Variants in KIFC3 observed in about 807,000 individuals in gnomAD.
The protein encoded by KIFC3 is kinesin family member C3.
Under a neutral mutation model 101.8 loss-of-function variants are expected in KIFC3, and 60 were observed. The observed-to-expected ratio is 0.59, with a 90% confidence interval of 0.48 to 0.73. The LOEUF is 0.73. Among genes scored for constraint, KIFC3 ranks in the 30% least tolerant of loss-of-function variants. The pLI, the probability that KIFC3 is intolerant of heterozygous loss-of-function variation, is 0.00. For synonymous variants in KIFC3, 476 were observed against 482.7 expected (o/e 0.99, Z 0.18); for missense variants, 966 against 1,137.1 (o/e 0.85, Z 2.16).
At chr16:57,813,295 T>G (rs899513910) in intron 1 of KIFC3, among the ~76,000 whole-genome samples, 3 of 151,930 alleles carry the variant, frequency 2.0e-5, no homozygotes, top group Non-Finnish European at 2.9e-5. Flanking sequence ...GCCACTGCAC[T>G]CCAGCCTGGG....
chr16:57,810,046 C>A (rs1303915606), intron 1 of KIFC3, among the ~76,000 whole-genome samples: 1 of 152,130 alleles, frequency 6.6e-6, no homozygotes, highest in Non-Finnish European at 1.5e-5. Context: ...GAGGTCAGTC[C>A]TGGAACGCCT....
chr16:57,790,078 C>CTTTCTTTTT (rs59016221), intron 3 of KIFC3, among the ~76,000 whole-genome samples: 3 of 94,088 alleles, frequency 3.2e-5, no homozygotes, highest in African/African-American at 4.2e-5. Flanking sequence ...TTCTTTCTTT[C>CTTTCTTTTT]TTTTTTTTTT....
intron 1 of KIFC3, among the ~76,000 whole-genome samples, chr16:57,798,919 G>T (rs1350231701): frequency 6.6e-6 from 1 of 152,232 alleles, no homozygotes; most frequent in Non-Finnish European, 1.5e-5. Context: ...GATTCATTCA[G>T]TCTTCATTTA....
chr16:57,760,336 C>T lies in KIFC3; in HGVS notation c.2313G>A (p.Gly771=). The change falls in exon 17 of 20, where the codon GGG becomes GGA. Residue 771 remains glycine (G), a synonymous_variant. Coordinates refer to ENST00000445690, the MANE Select transcript of KIFC3 (RefSeq NM_001130100.2). ...CAAGCTCTGCCCTGCGTAGCCCAGGCCCCAGCTCCACAGAGCGCACCCTCT... is the reference window on the plus strand; with the variant it reads ...CAAGCTCTGCCCTGCGTAGCCCAGGTCCCAGCTCCACAGAGCGCACCCTCT... ...FAERVRSVEL[G]PGLRRAELGS... is the part of the protein sequence containing the mutation. The T allele has an allele frequency of 6.2e-7, 1 of 1,613,960 alleles. No homozygotes were observed.
At chr16:57,858,656 C>T (rs1356303730) in intron 1 of KIFC3, among the ~76,000 whole-genome samples, 3 of 151,928 alleles carry the variant, frequency 2.0e-5, no homozygotes, top group African/African-American at 7.3e-5. Flanking sequence ...TTTAAATTTA[C>T]ATAATTGAGG....
chr16:57,809,186 AT>A (rs1322415552), intron 1 of KIFC3, among the ~76,000 whole-genome samples: 1 of 152,068 alleles, frequency 6.6e-6, no homozygotes, highest in Non-Finnish European at 1.5e-5. Flanking sequence ...TAATGCCTAC[AT>A]TTTTCTGAAG....
rs28651239 is a variant in KIFC3 at position 57,788,487 on chromosome 16, G to A, written c.315+6512C>T. Reference sequence around the variant, plus strand: ...GCCACCTCCAGCCGGGGAGGACAGGGCATGGGGATATCACCAACTGCACAA... The same window carrying A: ...GCCACCTCCAGCCGGGGAGGACAGGACATGGGGATATCACCAACTGCACAA... On this transcript the variant is annotated intron_variant, in intron 3 of 19. Transcript: ENST00000445690. 2.5e-3 allele frequency: 2,931 copies of A among 1,160,754 alleles called. 54 individuals carry two copies. The African/African-American group carries it at 0.041, about 16-fold the overall frequency. The allele number at this position is 1,160,754 out of a possible 1,614,324, so 71.9% of individuals were successfully genotyped here.
At chr16:57,799,738 C>T (rs2965786) in intron 1 of KIFC3, among the ~76,000 whole-genome samples, 2 of 152,160 alleles carry the variant, frequency 1.3e-5, no homozygotes, top group African/African-American at 4.8e-5. Flanking sequence ...GGGCTCACTG[C>T]GGGGTGGAAA....
intron 3 of KIFC3, among the ~76,000 whole-genome samples, chr16:57,783,106 T>C (rs2052916766): frequency 6.6e-6 from 1 of 152,230 alleles, no homozygotes; most frequent in African/African-American, 2.4e-5. Context: ...GCTGGGATGT[T>C]TCCTCCTCAC....
chr16:57,760,977 G>C, intron 15 of KIFC3, 22 bp from the exon 16 acceptor site: 1 of 1,604,786 alleles, frequency 6.2e-7, no homozygotes, highest in Non-Finnish European at 8.5e-7. Flanking sequence ...GCACCCACCA[G>C]ATCAGGCCTG....
At position 57,793,754 on chromosome 16, in the gene KIFC3, G is replaced by A. The variant is rs772151856; in HGVS notation, c.315+1245C>T. 4.7e-4 allele frequency among the ~76,000 whole-genome samples: 71 copies of A among 151,944 alleles called. 1 individual carries two copies. The highest frequency in any genetic ancestry group is 4.1e-4 in the Non-Finnish European group (28 of 67,966). On this transcript the variant is annotated intron_variant, in intron 3 of 19. Coordinates refer to ENST00000445690, the MANE Select transcript of KIFC3 (RefSeq NM_001130100.2). ...TGAGGTAGGAGAATCACTTGAACCC[G>A]GGAGGCGGATATTACAGCCAAGATC...
chr16:57,795,663 CG>C (rs1466252963), intron 2 of KIFC3, among the ~76,000 whole-genome samples: 1 of 152,160 alleles, frequency 6.6e-6, no homozygotes, highest in African/African-American at 2.4e-5. Context: ...TCTGACACAC[CG>C]CCTCCCTCAC....
chr16:57,822,422 C>A (rs1483969250), intron 1 of KIFC3, among the ~76,000 whole-genome samples: 2 of 152,180 alleles, frequency 1.3e-5, no homozygotes, highest in African/African-American at 4.8e-5. Flanking sequence ...GCCAATGTGG[C>A]TGGGCGCGGT....
intron 2 of KIFC3, among the ~76,000 whole-genome samples, chr16:57,795,571 G>C (rs2054223331): frequency 6.6e-6 from 1 of 152,352 alleles, no homozygotes; most frequent in East Asian, 1.9e-4. Flanking sequence ...ACTTCATTAA[G>C]ACAAAATCCA....
chr16:57,854,939 G>T (rs1224234613), intron 1 of KIFC3, among the ~76,000 whole-genome samples: 2 of 152,120 alleles, frequency 1.3e-5, no homozygotes, highest in African/African-American at 2.4e-5. Context: ...GGAAGTTTTG[G>T]CTGGGCACAG....
At chr16:57,811,631 T>C (rs1368216758) in intron 1 of KIFC3, among the ~76,000 whole-genome samples, 1 of 152,020 alleles carries the variant, frequency 6.6e-6, no homozygotes, top group Non-Finnish European at 1.5e-5. Context: ...GCCTGAGGCG[T>C]GGGGCCAAGC....
intron 1 of KIFC3, among the ~76,000 whole-genome samples, chr16:57,820,550 A>G (rs1555629729): frequency 1.3e-5 from 2 of 152,214 alleles, no homozygotes; most frequent in Non-Finnish European, 2.9e-5. Context: ...AAGTGCTGGC[A>G]TTATGGGTGT....
intron 1 of KIFC3, among the ~76,000 whole-genome samples, chr16:57,824,184 G>C (rs752906417): frequency 2.6e-5 from 4 of 152,158 alleles, no homozygotes; most frequent in Non-Finnish European, 5.9e-5. Flanking sequence ...TTGCAGGCAA[G>C]CTTTGTAGAT....
intron 3 of KIFC3, among the ~76,000 whole-genome samples, chr16:57,778,177 G>C (rs1400498281): frequency 6.6e-6 from 1 of 152,204 alleles, no homozygotes; most frequent in Non-Finnish European, 1.5e-5. Context: ...CTACTAGGGA[G>C]GCTGAGGCGG....
Sources: gnomAD v4.1 joint callset for allele counts (sites outside exome capture counted in the v4.1 genomes callset) on GRCh38, gnomAD v4.1.1 for gene constraint, MANE v1.5 for transcripts, NCBI Gene and HGNC (gene_info 2026-07-23, HGNC 2026-07-21) for gene names.